The following ANXA10 variants were observed in gnomAD, a reference collection of about 807,000 sequenced individuals.
ANXA10 encodes the protein annexin 14.
ANXA10 carries 49 observed loss-of-function variants against 53.5 expected under a neutral mutation model. The observed-to-expected ratio is 0.92, with a 90% CI of 0.73 to 1.16. The LOEUF (loss-of-function observed/expected upper bound fraction) is 1.16, where lower values mean the gene tolerates loss of function less well. ANXA10 is among the 50% of genes most tolerant of loss of function. The pLI is 0.00. For synonymous variants in ANXA10, 131 were observed against 128.9 expected (o/e 1.02, Z -0.11); for missense variants, 393 against 394.4 (o/e 1.00, Z 0.03).
chr4:168,170,459 G>C (rs1026817154), intron 6 of ANXA10, among the ~76,000 whole-genome samples: 7 of 152,118 alleles, frequency 4.6e-5, no homozygotes, highest in Non-Finnish European at 1.0e-4. Flanking sequence ...TCTATTGCTT[G>C]TGTTTTAAGT....
intron 11 of ANXA10, among the ~76,000 whole-genome samples, chr4:168,186,256 T>C (rs944342809): frequency 2.0e-5 from 3 of 152,202 alleles, no homozygotes; most frequent in Non-Finnish European, 4.4e-5. Context: ...TTTACTACTA[T>C]CATTGATTTT....
chr4:168,165,670 A>ATTTC (rs145800072), intron 6 of ANXA10, among the ~76,000 whole-genome samples: 31 of 152,032 alleles, frequency 2.0e-4, no homozygotes, highest in Admixed American at 4.6e-4. Context: ...ATTAGAAATA[A>ATTTC]TTTCTTTCTT....
rs150491911 is a variant in ANXA10, at chr4:168,187,055, A to G, written c.907-311A>G. Among the ~76,000 whole-genome samples, 62 of 152,246 alleles carry G rather than the reference A, an allele frequency of 4.1e-4. No individual in the cohort carries two copies. In the East Asian group the frequency reaches 0.011, roughly 28 times the overall value. ...ATTCATTTATAACAATAATAATAAT[A>G]ACATTAGGGTACATCTTCCTAAAGT... On this transcript the variant is annotated intron_variant, in intron 11 of 11. Transcript: ENST00000359299.
intron 3 of ANXA10, among the ~76,000 whole-genome samples, chr4:168,157,361 A>G (rs1731705096): frequency 6.6e-6 from 1 of 151,796 alleles, no homozygotes; most frequent in Non-Finnish European, 1.5e-5. Context: ...TCCGCCACCC[A>G]GGTTCCAGTG....
In ANXA10 at chr4:168,179,292, A is replaced by C. The variant is rs1732193365; in HGVS notation, c.704A>C (p.Gln235Pro). 3 of 1,610,568 alleles carry C rather than the reference A, an allele frequency of 1.9e-6. No homozygotes were observed. The highest frequency in any genetic ancestry group is 1.7e-6 in the Non-Finnish European group (2 of 1,178,018). The change falls in exon 9 of 12, where the codon CAG becomes CCG. Residue 235 changes from glutamine to proline, a missense_variant. By Grantham distance (76) the Gln-to-Pro change is moderately conservative (BLOSUM62 -1). Transcript: ENST00000359299. ...AINECYDGYF[Q>P]ELLVAIVLCV... ...AATGAATGTTATGATGGATACTTTC[A>C]GGAGCTGCTGGTTGCAATTGGTAAG...
chr4:168,165,781 A>C (rs1047012457), intron 6 of ANXA10, among the ~76,000 whole-genome samples: 3 of 151,854 alleles, frequency 2.0e-5, no homozygotes. Context: ...GGTTCAAGTG[A>C]TTTTCCTGCC....
At chr4:168,133,158 A>G (rs1360839595) in intron 2 of ANXA10, among the ~76,000 whole-genome samples, 3 of 152,114 alleles carry the variant, frequency 2.0e-5, no homozygotes, top group African/African-American at 7.2e-5. Flanking sequence ...AATGGCCCCA[A>G]GCATAGTGCT....
intron 3 of ANXA10, among the ~76,000 whole-genome samples, chr4:168,153,427 A>AC (rs1731533027): frequency 3.3e-5 from 2 of 59,942 alleles, no homozygotes; most frequent in African/African-American, 1.4e-4. Flanking sequence ...TAAAGCAAAA[A>AC]AAAAAAAAAA....
chr4:168,092,806 C>T, intron 1 of ANXA10, 88 bp downstream of exon 1: 1 of 1,265,100 alleles, frequency 7.9e-7, no homozygotes, highest in Non-Finnish European at 1.1e-6. Context: ...ACGTTTTTAA[C>T]AGAAAATGTT....
intron 1 of ANXA10, among the ~76,000 whole-genome samples, chr4:168,098,968 C>T (rs1331167078): frequency 6.6e-6 from 1 of 152,096 alleles, no homozygotes. Flanking sequence ...AATAAAGCAA[C>T]AGAATGTCTT....
chr4:168,156,630 A>G (rs945364499), intron 3 of ANXA10, among the ~76,000 whole-genome samples: 16 of 150,704 alleles, frequency 1.1e-4, no homozygotes, highest in Non-Finnish European at 4.4e-5. Flanking sequence ...CAGCCTCCCA[A>G]GTAGCTGGAA....
chr4:168,143,131 T>A (rs1360715779), intron 3 of ANXA10, among the ~76,000 whole-genome samples: 1 of 152,156 alleles, frequency 6.6e-6, no homozygotes. Flanking sequence ...TTTTCTCTCA[T>A]TCCTTGCCCT....
chr4:168,171,141 G>C (rs1731977998), intron 6 of ANXA10, among the ~76,000 whole-genome samples: 1 of 152,106 alleles, frequency 6.6e-6, no homozygotes, highest in Admixed American at 6.5e-5. Flanking sequence ...CATTGTCTGT[G>C]GTGTACACAA....
intron 1 of ANXA10, among the ~76,000 whole-genome samples, chr4:168,115,993 T>G (rs1487831138): frequency 6.6e-6 from 1 of 152,120 alleles, no homozygotes; most frequent in Non-Finnish European, 1.5e-5. Flanking sequence ...TGAGCTCGCA[T>G]TACGTCTAAG....
chr4:168,168,933 G>A (rs1306852633), intron 6 of ANXA10, among the ~76,000 whole-genome samples: 1 of 152,116 alleles, frequency 6.6e-6, no homozygotes, highest in African/African-American at 2.4e-5. Context: ...GTTTAATTTG[G>A]ATATCTGTGG....
At chr4:168,145,866 G>C (rs1731397721) in intron 3 of ANXA10, among the ~76,000 whole-genome samples, 1 of 152,020 alleles carries the variant, frequency 6.6e-6, no homozygotes, top group African/African-American at 2.4e-5. Context: ...AGCAATACCA[G>C]AAGCCTAGGG....
intron 6 of ANXA10, among the ~76,000 whole-genome samples, chr4:168,173,305 T>C (rs1732053400): frequency 3.3e-5 from 5 of 152,198 alleles, no homozygotes; most frequent in Admixed American, 2.0e-4. Flanking sequence ...AAAGGAAATG[T>C]ACTATAATAG....
intron 3 of ANXA10, among the ~76,000 whole-genome samples, chr4:168,150,866 C>G (rs1320904850): frequency 6.6e-6 from 1 of 152,046 alleles, no homozygotes; most frequent in Non-Finnish European, 1.5e-5. Context: ...GTCTAAACCA[C>G]AAAAAGGAGA....
chr4:168,100,943 G>A (rs1730628738), intron 1 of ANXA10, among the ~76,000 whole-genome samples: 1 of 151,984 alleles, frequency 6.6e-6, no homozygotes, highest in Non-Finnish European at 1.5e-5. Context: ...CACAGATATT[G>A]TTTAGATTAT....
Sources: gnomAD v4.1 joint callset for allele counts (sites outside exome capture counted in the v4.1 genomes callset) on GRCh38, gnomAD v4.1.1 for gene constraint, MANE v1.5 for transcripts, NCBI Gene and HGNC (gene_info 2026-07-23, HGNC 2026-07-21) for gene names.